GPC6: variants seen among roughly 807,000 people sequenced by gnomAD.
The protein encoded by GPC6 is glypican 6.
A neutral mutation model predicts 55.2 loss-of-function variants in GPC6; 14 were observed. The observed-to-expected ratio is 0.25, with a 90% CI of 0.17 to 0.40. The LOEUF is 0.40. GPC6 is among the 10% of genes least tolerant of loss of function. The pLI is 1.00. For missense variants in GPC6, 641 were observed against 708.5 expected, an observed-to-expected ratio of 0.90 and a Z score of 1.08; for synonymous variants, 278 against 259.6, an observed-to-expected ratio of 1.07 and a Z score of -0.68.
At chr13:93,664,468 A>G (rs1444204668) in intron 2 of GPC6, among the ~76,000 whole-genome samples, 2 of 152,224 alleles carry the variant, frequency 1.3e-5, no homozygotes, top group African/African-American at 4.8e-5. Context: ...TGATTTGGCA[A>G]ATGTAGATGG....
chr13:93,879,137 G>A (rs1048858397), intron 3 of GPC6, among the ~76,000 whole-genome samples: 9 of 152,022 alleles, frequency 5.9e-5, no homozygotes, highest in Non-Finnish European at 1.2e-4. Context: ...GGCTCCTGAG[G>A]CTTCTGCATT....
chr13:93,360,942 G>A (rs944559305), intron 1 of GPC6, among the ~76,000 whole-genome samples: 3 of 152,088 alleles, frequency 2.0e-5, no homozygotes, highest in Non-Finnish European at 2.9e-5. Context: ...TAGGGTATGG[G>A]CCTCTGGATC....
chr13:93,496,150 A>G (rs1415072276), intron 1 of GPC6, among the ~76,000 whole-genome samples: 17 of 152,040 alleles, frequency 1.1e-4, no homozygotes, highest in Non-Finnish European at 2.5e-4. Flanking sequence ...GTTTGATCTC[A>G]GACTGCTGTG....
rs1881286273 is a variant in GPC6, at chr13:94,404,470, CTCT to C, written c.*1258_*1260del. 1 of 152,196 alleles carries C rather than the reference CTCT, an allele frequency of 6.6e-6. No homozygotes were observed. Among genetic ancestry groups the C allele is most frequent in the Non-Finnish European group, 1.5e-5 (1 of 68,030 alleles). The allele number at this position is 152,196 out of a possible 1,614,324, so 9.4% of individuals were successfully genotyped here. ...TGTAAGAAAATGTTTTGTCAACCAG[CTCT>C]TCTTGTTTTGTGCTGCTCAAAGAAG... On this transcript the variant is annotated 3_prime_UTR_variant, in exon 9 of 9. Coordinates refer to ENST00000377047, the MANE Select transcript of GPC6 (RefSeq NM_005708.5).
At chr13:94,237,266 GT>G (rs1490425103) in intron 4 of GPC6, among the ~76,000 whole-genome samples, 2 of 151,946 alleles carry the variant, frequency 1.3e-5, no homozygotes, top group African/African-American at 4.8e-5. Context: ...TCAAGTGCCT[GT>G]TTTTTCTTCT....
At chr13:93,466,736 T>C (rs891308498) in intron 1 of GPC6, among the ~76,000 whole-genome samples, 19 of 152,278 alleles carry the variant, frequency 1.2e-4, no homozygotes, top group Non-Finnish European at 1.9e-4. Flanking sequence ...GAAGAGTCAA[T>C]GAAAGATTAC....
At chr13:93,481,002 T>G (rs541827402) in intron 1 of GPC6, among the ~76,000 whole-genome samples, 1 of 152,316 alleles carries the variant, frequency 6.6e-6, no homozygotes, top group South Asian at 2.1e-4. Flanking sequence ...ATTTGACTGT[T>G]TGAGAAACAT....
At chr13:93,852,858 C>G (rs533234794) in intron 3 of GPC6, among the ~76,000 whole-genome samples, 113 of 151,768 alleles carry the variant, frequency 7.4e-4, no homozygotes, top group Non-Finnish European at 1.2e-3. Context: ...TGGCTAGTAT[C>G]ATTCCCAGAA....
chr13:94,167,077 A>G (rs1212278166), intron 4 of GPC6, among the ~76,000 whole-genome samples: 1 of 152,180 alleles, frequency 6.6e-6, no homozygotes, highest in African/African-American at 2.4e-5. Context: ...ATTAGACTCT[A>G]GATGTTTTTT....
At chr13:93,257,205 G>A (rs954946728) in intron 1 of GPC6, among the ~76,000 whole-genome samples, 5 of 152,168 alleles carry the variant, frequency 3.3e-5, no homozygotes, top group East Asian at 1.9e-4. Context: ...GGAGGCTGAC[G>A]GGGAGGACTG....
rs1890220082 is a variant in GPC6, at chr13:94,216,109, T to G, written c.878-70240T>G. 2.0e-5 allele frequency among the ~76,000 whole-genome samples: 3 copies of G among 152,214 alleles called. No individual in the cohort carries two copies. The South Asian group carries it at 6.2e-4, about 32-fold the overall frequency. ...CTTAATGCTTGTTAAAGTCACTGTT[T>G]TATCTTTGTAAGTTCCTGCACTGCA... On this transcript the variant is annotated intron_variant, in intron 4 of 8. Coordinates refer to ENST00000377047, the MANE Select transcript of GPC6 (RefSeq NM_005708.5).
At chr13:94,089,260 C>T (rs1454680948) in intron 4 of GPC6, among the ~76,000 whole-genome samples, 1 of 152,086 alleles carries the variant, frequency 6.6e-6, no homozygotes, top group African/African-American at 2.4e-5. Context: ...GGCTGATAAG[C>T]CTGAGAGAGA....
chr13:94,127,382 T>TC (rs1886855660), intron 4 of GPC6, among the ~76,000 whole-genome samples: 2 of 151,948 alleles, frequency 1.3e-5, no homozygotes, highest in Non-Finnish European at 2.9e-5. Flanking sequence ...TGAAAGCACC[T>TC]CCCCTCCCAC....
intron 4 of GPC6, among the ~76,000 whole-genome samples, chr13:94,069,876 C>G (rs967646624): frequency 1.3e-5 from 2 of 152,188 alleles, no homozygotes; most frequent in Non-Finnish European, 2.9e-5. Flanking sequence ...GAGTTCCAAA[C>G]TTTCCCACGT....
chr13:93,343,578 G>A (rs1456755427), intron 1 of GPC6, among the ~76,000 whole-genome samples: 1 of 152,060 alleles, frequency 6.6e-6, no homozygotes, highest in Non-Finnish European at 1.5e-5. Flanking sequence ...TTCCCCTTTT[G>A]CATCATGTTT....
intron 2 of GPC6, among the ~76,000 whole-genome samples, chr13:93,759,662 A>C (rs368672876): frequency 1.2e-4 from 18 of 152,168 alleles, no homozygotes; most frequent in African/African-American, 4.3e-4. Flanking sequence ...TGTGAACCTA[A>C]TATTTTCCTA....
intron 1 of GPC6, among the ~76,000 whole-genome samples, chr13:93,471,692 GTT>G (rs111674623): frequency 6.6e-6 from 1 of 151,696 alleles, no homozygotes; most frequent in African/African-American, 2.4e-5. Flanking sequence ...GGAATTTTAT[GTT>G]TTTTTTATTA....
At chr13:94,136,750 A>G (rs575020516) in intron 4 of GPC6, among the ~76,000 whole-genome samples, 1 of 152,312 alleles carries the variant, frequency 6.6e-6, no homozygotes, top group Non-Finnish European at 1.5e-5. Flanking sequence ...TTAATTCTAA[A>G]TGCAGTGTAG....
chr13:94,398,713 T>C, intron 8 of GPC6, 72 bp downstream of exon 8: 2 of 1,228,602 alleles, frequency 1.6e-6, no homozygotes, highest in Non-Finnish European at 1.2e-6. Flanking sequence ...GCCCTGACTT[T>C]CTTCAAGAGC....
Sources: gnomAD v4.1 joint callset for allele counts (sites outside exome capture counted in the v4.1 genomes callset) on GRCh38, gnomAD v4.1.1 for gene constraint, MANE v1.5 for transcripts, NCBI Gene and HGNC (gene_info 2026-07-23, HGNC 2026-07-21) for gene names.